Variants in LSAMP observed in about 807,000 individuals in gnomAD.
LSAMP encodes limbic system-associated membrane protein.
A neutral mutation model predicts 38.6 loss-of-function variants in LSAMP; 7 were observed. That is an observed-to-expected ratio of 0.18 (90% CI 0.10 to 0.34). The LOEUF (loss-of-function observed/expected upper bound fraction) is 0.34, where lower values mean the gene tolerates loss of function less well. Among genes scored for constraint, LSAMP ranks in the 10% least tolerant of loss-of-function variants. LSAMP has a pLI of 1.00. For missense variants in LSAMP, 313 were observed against 420.0 expected, an observed-to-expected ratio of 0.75 and a Z score of 2.23; for synonymous variants, 154 against 166.8, an observed-to-expected ratio of 0.92 and a Z score of 0.59.
chr3:116,209,584 T>A (rs185012447), intron 1 of LSAMP, among the ~76,000 whole-genome samples: 1 of 152,260 alleles, frequency 6.6e-6, no homozygotes, highest in African/African-American at 2.4e-5. Context: ...TATGTGTGTA[T>A]GTTTGTATGT....
intron 3 of LSAMP, among the ~76,000 whole-genome samples, chr3:115,872,996 A>T (rs1341436782): frequency 6.6e-6 from 1 of 152,174 alleles, no homozygotes; most frequent in Non-Finnish European, 1.5e-5. Flanking sequence ...ATATGTAAAC[A>T]TTCCCATTCA....
At chr3:116,282,191 G>A (rs2047135627) in intron 1 of LSAMP, among the ~76,000 whole-genome samples, 1 of 152,214 alleles carries the variant, frequency 6.6e-6, no homozygotes, top group South Asian at 2.1e-4. Context: ...TACAAGGACA[G>A]AGGGAAAAAT....
chr3:116,024,088 G>A (rs57139026), intron 2 of LSAMP, among the ~76,000 whole-genome samples: 2 of 152,034 alleles, frequency 1.3e-5, no homozygotes, highest in African/African-American at 2.4e-5. Flanking sequence ...GTGAAATGCC[G>A]TGCTGTGTTC....
At chr3:116,003,972 A>G (rs2107663748) in intron 3 of LSAMP, among the ~76,000 whole-genome samples, 1 of 152,304 alleles carries the variant, frequency 6.6e-6, no homozygotes, top group East Asian at 1.9e-4. Context: ...TAGCAAACTA[A>G]TACACAGACG....
chr3:115,821,627 A>G (rs571088990), intron 6 of LSAMP, among the ~76,000 whole-genome samples: 2 of 152,370 alleles, frequency 1.3e-5, no homozygotes, highest in African/African-American at 4.8e-5. Flanking sequence ...TGAAAATGAC[A>G]TAAGAATAAT....
intron 1 of LSAMP, among the ~76,000 whole-genome samples, chr3:116,426,317 T>C (rs184632733): frequency 4.7e-4 from 72 of 152,004 alleles, no homozygotes; most frequent in African/African-American, 1.7e-3. Flanking sequence ...TGAAACCCCA[T>C]CTCTACTAAA....
chr3:116,120,070 A>G (rs1272996740), intron 1 of LSAMP, among the ~76,000 whole-genome samples: 1 of 152,218 alleles, frequency 6.6e-6, no homozygotes, highest in African/African-American at 2.4e-5. Context: ...GAAAATACAC[A>G]TTTGTTCAGG....
chr3:116,241,089 A>C (rs1297076740), intron 1 of LSAMP, among the ~76,000 whole-genome samples: 1 of 151,652 alleles, frequency 6.6e-6, no homozygotes, highest in Non-Finnish European at 1.5e-5. Context: ...AGGCAGGAGA[A>C]TTGCTTGAAC....
At chr3:116,312,982 T>C (rs1347814604) in intron 1 of LSAMP, among the ~76,000 whole-genome samples, 1 of 152,226 alleles carries the variant, frequency 6.6e-6, no homozygotes, top group African/African-American at 2.4e-5. Context: ...TTTTCAGTGA[T>C]GGTCTTAGTC....
chr3:116,423,222 GA>G (rs371227606), intron 1 of LSAMP, among the ~76,000 whole-genome samples: 5 of 151,946 alleles, frequency 3.3e-5, no homozygotes, highest in East Asian at 1.9e-4. Context: ...TTTAAGAGGG[GA>G]AAAAAAACTT....
At chr3:116,262,167 C>T (rs976622551) in intron 1 of LSAMP, among the ~76,000 whole-genome samples, 1 of 152,166 alleles carries the variant, frequency 6.6e-6, no homozygotes, top group East Asian at 1.9e-4. Context: ...AATGCAATGA[C>T]TATTGTATTA....
At chr3:116,056,242 G>T (rs1416009921) in intron 2 of LSAMP, among the ~76,000 whole-genome samples, 1 of 152,026 alleles carries the variant, frequency 6.6e-6, no homozygotes, top group Non-Finnish European at 1.5e-5. Context: ...ATAATGTTCT[G>T]GATACTAACA....
At chr3:115,925,282 T>C (rs1377134405) in intron 3 of LSAMP, among the ~76,000 whole-genome samples, 2 of 152,208 alleles carry the variant, frequency 1.3e-5, no homozygotes, top group African/African-American at 4.8e-5. Flanking sequence ...GAGGGATCAC[T>C]ACAAGCCAGG....
chr3:116,298,624 T>C (rs1384542020), intron 1 of LSAMP, among the ~76,000 whole-genome samples: 4 of 152,220 alleles, frequency 2.6e-5, no homozygotes, highest in Admixed American at 6.5e-5. Flanking sequence ...AATAGCTCCA[T>C]AGAATTGTTT....
At chr3:116,055,753 C>T (rs954714273) in intron 2 of LSAMP, among the ~76,000 whole-genome samples, 10 of 152,270 alleles carry the variant, frequency 6.6e-5, no homozygotes, top group Admixed American at 2.0e-4. Flanking sequence ...AGAAAAGTGA[C>T]AGTGAATTCC....
intron 1 of LSAMP, among the ~76,000 whole-genome samples, chr3:116,240,357 C>T (rs908377956): frequency 6.6e-6 from 1 of 152,128 alleles, no homozygotes; most frequent in East Asian, 1.9e-4. Flanking sequence ...AAAAATAAAA[C>T]CTTGGCAGTC....
At chr3:116,145,908 T>G (rs1709480320) in intron 1 of LSAMP, among the ~76,000 whole-genome samples, 1 of 151,858 alleles carries the variant, frequency 6.6e-6, no homozygotes, top group African/African-American at 2.4e-5. Flanking sequence ...TCAAGAAATT[T>G]TATTTGTTAG....
At chr3:116,438,366 T>C (rs1254841733) in intron 1 of LSAMP, among the ~76,000 whole-genome samples, 1 of 152,186 alleles carries the variant, frequency 6.6e-6, no homozygotes, top group Non-Finnish European at 1.5e-5. Context: ...ATAGCTTGTG[T>C]AGTAGGCAAA....
intron 1 of LSAMP, among the ~76,000 whole-genome samples, chr3:116,204,251 T>G (rs1189432484): frequency 6.6e-6 from 1 of 150,790 alleles, no homozygotes. Context: ...TGGGGTTGTT[T>G]GTTTTTTTCT....
Sources: allele counts gnomAD v4.1 joint callset (sites outside exome capture counted in the v4.1 genomes callset), GRCh38; gene constraint gnomAD v4.1.1; transcripts MANE v1.5; gene names NCBI Gene and HGNC (gene_info 2026-07-23, HGNC 2026-07-21).